SPMAP2: variants seen among roughly 807,000 people sequenced by gnomAD.
The protein encoded by SPMAP2 is Theg homolog.
At chr19:371,400 G>A in the SPMAP2 span, 2 of 590,172 alleles carry the variant, frequency 3.4e-6, no homozygotes, top group Non-Finnish European at 2.8e-6. Context: ...GTGTGTGTGT[G>A]TGTGTATGTG....
chr19:375,996 G>A, the SPMAP2 span: 7,797 of 1,385,142 alleles, frequency 5.6e-3, 351 homozygotes, highest in African/African-American at 0.1. Flanking sequence ...CAGCCCCCGC[G>A]GCCTCACTCT....
the SPMAP2 span, among the ~76,000 whole-genome samples, chr19:370,761 A>G: frequency 6.6e-6 from 1 of 152,174 alleles, no homozygotes; most frequent in Non-Finnish European, 1.5e-5. Flanking sequence ...ACAAGGAATA[A>G]ACTACCGACG....
the SPMAP2 span, chr19:374,087 C>CT: frequency 6.5e-7 from 1 of 1,534,734 alleles, no homozygotes; most frequent in Non-Finnish European, 8.9e-7. Flanking sequence ...CCTCACTCTC[C>CT]TTTGGCCACC....
the SPMAP2 span, chr19:371,167 C>T: frequency 7.8e-7 from 1 of 1,279,944 alleles, no homozygotes; most frequent in Non-Finnish European, 1.0e-6. Flanking sequence ...CCCAGCCCGC[C>T]TGGCGGGGGT....
the SPMAP2 span, among the ~76,000 whole-genome samples, chr19:369,791 C>A: frequency 6.6e-6 from 1 of 151,568 alleles, no homozygotes; most frequent in Non-Finnish European, 1.5e-5. Context: ...GTGGATCTCG[C>A]AAAGAACCTT....
chr19:375,472 G>C, the SPMAP2 span, among the ~76,000 whole-genome samples: 1 of 152,180 alleles, frequency 6.6e-6, no homozygotes, highest in South Asian at 2.1e-4. Flanking sequence ...CCAGTGAGGG[G>C]TGCTGGCCGC....
the SPMAP2 span, chr19:373,402 G>T: frequency 2.7e-6 from 4 of 1,481,508 alleles, no homozygotes; most frequent in Admixed American, 1.7e-5. Context: ...ATCTAGATGG[G>T]GCGGGGCAGG....
At chr19:372,707 A>G in the SPMAP2 span, 1 of 1,613,968 alleles carries the variant, frequency 6.2e-7, no homozygotes, top group Non-Finnish European at 8.5e-7. Context: ...ACCGCTATGC[A>G]AAATGGGAAA....
the SPMAP2 span, chr19:375,636 C>T: frequency 6.5e-7 from 1 of 1,526,960 alleles, no homozygotes; most frequent in Non-Finnish European, 8.8e-7. Context: ...CCACCGCACC[C>T]AGGCAGGCCC....
At chr19:373,894 C>A in the SPMAP2 span, 3 of 1,574,706 alleles carry the variant, frequency 1.9e-6, no homozygotes, top group Non-Finnish European at 1.7e-6. Flanking sequence ...GAACCTGACA[C>A]GTGTCCCCCA....
At chr19:368,154 C>A in the SPMAP2 span, among the ~76,000 whole-genome samples, 1 of 149,546 alleles carries the variant, frequency 6.7e-6, no homozygotes, top group African/African-American at 2.5e-5. The surrounding 1 kb of genome is among the most constrained non-coding windows in gnomAD (Gnocchi z 4.1). Flanking sequence ...CCAGCCTGGG[C>A]AACATAGCAA....
the SPMAP2 span, chr19:373,341 C>A: frequency 1.2e-6 from 1 of 836,800 alleles, no homozygotes. Flanking sequence ...GGACAGACTC[C>A]AGTGGGGAGG....
chr19:366,994 C>T, the SPMAP2 span: 1 of 1,517,166 alleles, frequency 6.6e-7, no homozygotes, highest in Non-Finnish European at 8.9e-7. Context: ...CCGCTCTAGG[C>T]AGAGGTATAA....
At chr19:371,868 T>C in the SPMAP2 span, among the ~76,000 whole-genome samples, 2 of 152,212 alleles carry the variant, frequency 1.3e-5, no homozygotes, top group Non-Finnish European at 2.9e-5. Context: ...GGTCTCCACA[T>C]TGAACAGGTC....
chr19:373,859 G>A, the SPMAP2 span: 287 of 1,287,532 alleles, frequency 2.2e-4, no homozygotes, highest in Non-Finnish European at 2.4e-4. Flanking sequence ...AGAGAGGAGG[G>A]TGGCTGGAGT....
At chr19:364,139 C>T in the SPMAP2 span, among the ~76,000 whole-genome samples, 2 of 150,376 alleles carry the variant, frequency 1.3e-5, no homozygotes, top group Non-Finnish European at 3.0e-5. Context: ...CGAGACCATC[C>T]TGGCTCACAC....
At chr19:364,102 G>T in the SPMAP2 span, among the ~76,000 whole-genome samples, 1 of 151,342 alleles carries the variant, frequency 6.6e-6, no homozygotes. Context: ...GGGAGGCCGA[G>T]GCGGGCGGAT....
the SPMAP2 span, chr19:366,990 T>C: frequency 6.7e-7 from 1 of 1,482,734 alleles, no homozygotes; most frequent in Non-Finnish European, 9.1e-7. Context: ...CTGCCCGCTC[T>C]AGGCAGAGGT....
At chr19:366,915 C>G in the SPMAP2 span, 1 of 915,274 alleles carries the variant, frequency 1.1e-6, no homozygotes, top group Non-Finnish European at 1.6e-6. Flanking sequence ...TCAGACAACA[C>G]CCTCTGCTTC....
Sources: gnomAD v4.1 joint callset for allele counts (sites outside exome capture counted in the v4.1 genomes callset) on GRCh38, gnomAD v4.1.1 for gene constraint, Gnocchi (gnomAD v3.1) non-coding constraint, MANE v1.5 for transcripts, NCBI Gene and HGNC (gene_info 2026-07-23, HGNC 2026-07-21) for gene names.